GRM5: variants seen among roughly 807,000 people sequenced by gnomAD.
The protein encoded by GRM5 is metabotropic glutamate receptor 5.
GRM5 carries 19 observed loss-of-function variants against 83.1 expected under a neutral mutation model. The ratio of observed to expected loss-of-function variants is 0.23; its 90% CI spans 0.16 to 0.34. GRM5 has a LOEUF of 0.34. Among genes scored for constraint, GRM5 ranks in the 10% least tolerant of loss-of-function variants. The pLI is 1.00. For missense variants in GRM5, 1,160 were observed against 1,588.3 expected (o/e 0.73, Z 4.58); for synonymous variants, 675 against 633.6 (o/e 1.07, Z -0.98).
At chr11:88,990,402 G>A (rs567883867) in intron 2 of GRM5, among the ~76,000 whole-genome samples, 1 of 150,804 alleles carries the variant, frequency 6.6e-6, no homozygotes, top group African/African-American at 2.4e-5. Flanking sequence ...TCCAGGACCA[G>A]ATGGATTCAC....
At chr11:89,024,175 C>T (rs948971829) in intron 2 of GRM5, among the ~76,000 whole-genome samples, 10 of 152,114 alleles carry the variant, frequency 6.6e-5, no homozygotes, top group Non-Finnish European at 1.0e-4. Flanking sequence ...GATATCTCCA[C>T]GGCACTCCAG....
At chr11:88,802,990 A>G (rs1263365394) in intron 3 of GRM5, among the ~76,000 whole-genome samples, 1 of 138,076 alleles carries the variant, frequency 7.2e-6, no homozygotes, top group Non-Finnish European at 1.5e-5. Context: ...GACATGAAGG[A>G]ACTCTTCAAG....
chr11:88,956,828 C>T (rs1938632913), intron 2 of GRM5, among the ~76,000 whole-genome samples: 1 of 152,010 alleles, frequency 6.6e-6, no homozygotes, highest in Non-Finnish European at 1.5e-5. Flanking sequence ...AAAAGAAAAG[C>T]GTCGGTACAA....
intron 3 of GRM5, among the ~76,000 whole-genome samples, chr11:88,797,104 T>C (rs1407188013): frequency 6.6e-6 from 1 of 152,106 alleles, no homozygotes; most frequent in Non-Finnish European, 1.5e-5. Flanking sequence ...GTGTTCAACA[T>C]GAGAAGACTG....
At chr11:88,750,504 T>A in intron 3 of GRM5, among the ~76,000 whole-genome samples, 1 of 152,094 alleles carries the variant, frequency 6.6e-6, no homozygotes, top group East Asian at 1.9e-4. Context: ...ACTTTAACAT[T>A]CCACTGACAA....
At chr11:88,869,130 C>T (rs760670182) in intron 2 of GRM5, among the ~76,000 whole-genome samples, 3 of 151,686 alleles carry the variant, frequency 2.0e-5, no homozygotes, top group Non-Finnish European at 4.4e-5. Flanking sequence ...GCCAATGTGG[C>T]TCCTTTTTTT....
At position 88,994,448 on chromosome 11, in the gene GRM5, TATA is replaced by T. The variant is rs1940102511; in HGVS notation, c.661+52761_661+52763del. On this transcript the variant is annotated intron_variant, in intron 2 of 9. Coordinates refer to ENST00000305447, the MANE Select transcript of GRM5 (RefSeq NM_001143831.3). ...TATTATTTATCACTTTAACTGATTATATATATATATATATATATATATATATAT... is the reference window on the plus strand; with the variant it reads ...TATTATTTATCACTTTAACTGATTATTATATATATATATATATATATATAT... Among the ~76,000 whole-genome samples the T allele has an allele frequency of 1.2e-3, 20 of 17,172 alleles. No homozygotes were observed. In the South Asian group the frequency reaches 0.024, roughly 21 times the overall value. The allele number at this position is 17,172 out of a possible 152,430, so 11.3% of individuals were successfully genotyped here.
At chr11:88,733,602 C>A (rs1941851370) in intron 3 of GRM5, among the ~76,000 whole-genome samples, 1 of 151,966 alleles carries the variant, frequency 6.6e-6, no homozygotes, top group Non-Finnish European at 1.5e-5. Context: ...ATTATTTAAG[C>A]TATGGTAGTT....
chr11:89,002,216 T>A (rs143394585), intron 2 of GRM5, among the ~76,000 whole-genome samples: 1 of 152,294 alleles, frequency 6.6e-6, no homozygotes, highest in African/African-American at 2.4e-5. Context: ...TAATGGTAAT[T>A]AATAATTCCA....
At chr11:88,611,996 T>C (rs1382669494) in intron 4 of GRM5, among the ~76,000 whole-genome samples, 1 of 151,832 alleles carries the variant, frequency 6.6e-6, no homozygotes, top group South Asian at 2.1e-4. Context: ...CTTTAAGTTT[T>C]AGGGTACATG....
At chr11:88,710,922 C>A (rs1360433635) in intron 3 of GRM5, among the ~76,000 whole-genome samples, 1 of 151,998 alleles carries the variant, frequency 6.6e-6, no homozygotes, top group African/African-American at 2.4e-5. Context: ...ACCAGGAATG[C>A]TCATCATTTA....
intron 3 of GRM5, among the ~76,000 whole-genome samples, chr11:88,845,718 C>T (rs1451724882): frequency 1.9e-5 from 2 of 103,768 alleles, no homozygotes; most frequent in East Asian, 5.1e-4. Context: ...CAGGCATGAA[C>T]CACCGCGCCC....
intron 3 of GRM5, among the ~76,000 whole-genome samples, chr11:88,712,034 T>C (rs1941293183): frequency 6.6e-6 from 1 of 152,108 alleles, no homozygotes; most frequent in South Asian, 2.1e-4. Flanking sequence ...CAGTGTTTGA[T>C]GAATGAGTAT....
At chr11:88,800,914 G>A (rs1418669721) in intron 3 of GRM5, among the ~76,000 whole-genome samples, 1 of 152,032 alleles carries the variant, frequency 6.6e-6, no homozygotes, top group East Asian at 1.9e-4. Flanking sequence ...TATGTGTGGG[G>A]GGCTTTTAAA....
chr11:88,892,303 T>C (rs894732154), intron 2 of GRM5, among the ~76,000 whole-genome samples: 3 of 151,760 alleles, frequency 2.0e-5, no homozygotes, highest in African/African-American at 7.3e-5. Flanking sequence ...ACTGGCCTCA[T>C]ACCTTGTCTA....
intron 3 of GRM5, among the ~76,000 whole-genome samples, chr11:88,705,477 C>T (rs1941133633): frequency 6.6e-6 from 1 of 152,062 alleles, no homozygotes; most frequent in Non-Finnish European, 1.5e-5. Context: ...GCCCACATTT[C>T]ATCCCCACAC....
At chr11:88,601,254 A>T (rs903713202) in intron 5 of GRM5, among the ~76,000 whole-genome samples, 1 of 152,188 alleles carries the variant, frequency 6.6e-6, no homozygotes, top group Non-Finnish European at 1.5e-5. Context: ...GCAGAGACAT[A>T]TATCAAGAAT....
intron 3 of GRM5, among the ~76,000 whole-genome samples, chr11:88,767,944 A>C (rs1025851163): frequency 6.6e-6 from 1 of 152,020 alleles, no homozygotes; most frequent in African/African-American, 2.4e-5. Flanking sequence ...AGTAATAACA[A>C]GTGTTGGTAA....
chr11:88,558,799 C>CA (rs71265014), intron 8 of GRM5, among the ~76,000 whole-genome samples: 7,291 of 21,810 alleles, frequency 0.33, 1,752 homozygotes, highest in Non-Finnish European at 0.39. Context: ...GACTCCATCT[C>CA]AAAAAAAAAA....
Sources: allele counts gnomAD v4.1 joint callset (sites outside exome capture counted in the v4.1 genomes callset), GRCh38; gene constraint gnomAD v4.1.1; transcripts MANE v1.5; gene names NCBI Gene and HGNC (gene_info 2026-07-23, HGNC 2026-07-21).